Variants in VAMP7 observed in about 807,000 individuals in gnomAD.
VAMP7 encodes the protein vesicle-associated membrane protein 7.
In VAMP7, 14 loss-of-function variants were observed where a neutral mutation model predicts 29.6. That is an observed-to-expected ratio of 0.47 (90% confidence interval 0.31 to 0.74). VAMP7 has a LOEUF of 0.74. Ranked by LOEUF, VAMP7 falls within the 30% of genes least tolerant of loss-of-function variation. The probability of loss-of-function intolerance (pLI) is 0.05; values close to 1 mark genes in which losing one functional copy is unlikely to be tolerated. For missense variants in VAMP7, 223 were observed against 262.4 expected (o/e 0.85, Z 1.04); for synonymous variants, 95 against 88.1 (o/e 1.08, Z -0.44).
At chrX:155,887,263 CAAAT>C (rs2065876251) in intron 1 of VAMP7, among the ~76,000 whole-genome samples, 1 of 151,850 alleles carries the variant, frequency 6.6e-6, no homozygotes, top group African/African-American at 2.4e-5. Context: ...ATATCTTCAG[CAAAT>C]AAATCATGTT....
intron 6 of VAMP7, among the ~76,000 whole-genome samples, chrX:155,929,452 C>CA (rs1266819377): frequency 6.6e-6 from 1 of 152,050 alleles, no homozygotes; most frequent in Non-Finnish European, 1.5e-5. Flanking sequence ...AGTTGCCCCC[C>CA]CTGGGCATTG....
At chrX:155,894,301 G>GTTTTTT (rs1195549080) in intron 2 of VAMP7, among the ~76,000 whole-genome samples, 2 of 64,886 alleles carry the variant, frequency 3.1e-5, no homozygotes, top group Admixed American at 1.7e-4. Flanking sequence ...TGTGTCCTTT[G>GTTTTTT]TTTTTTTTTT....
At chrX:155,892,741 G>GTAT (rs34905684) in intron 2 of VAMP7, among the ~76,000 whole-genome samples, 88,478 of 145,728 alleles carry the variant, frequency 0.61, 26,891 homozygotes, top group East Asian at 0.68. Context: ...TTTTCACACT[G>GTAT]TATTATTATT....
intron 6 of VAMP7, among the ~76,000 whole-genome samples, chrX:155,930,593 A>G (rs919812347): frequency 6.6e-6 from 1 of 151,714 alleles, no homozygotes; most frequent in African/African-American, 2.4e-5. Context: ...AGAGCTGCAG[A>G]GAGCTATGAT....
Position 155,912,937 on chromosome X carries a change from C to G in VAMP7, c.434-6876C>G, listed in dbSNP as rs182081329. Among the ~76,000 whole-genome samples the G allele has an allele frequency of 2.0e-3, 302 of 152,324 alleles. 3 individuals are homozygous for G. The highest frequency in any genetic ancestry group is 6.9e-3 in the African/African-American group (287 of 41,586). ...TCTAGATCCTTGAGGAATCGCCACACTGTCTTTGACAATGGTTGAACTAAT... is the reference window on the plus strand; with the variant it reads ...TCTAGATCCTTGAGGAATCGCCACAGTGTCTTTGACAATGGTTGAACTAAT... On this transcript the variant is annotated intron_variant, in intron 5 of 7. Transcript: ENST00000286448.
chrX:155,931,980 C>A (rs1203473094), intron 6 of VAMP7, among the ~76,000 whole-genome samples: 7 of 152,164 alleles, frequency 4.6e-5, no homozygotes, highest in Non-Finnish European at 7.3e-5. Context: ...TTCCCCATTT[C>A]TTCTTTTTGT....
intron 2 of VAMP7, among the ~76,000 whole-genome samples, chrX:155,895,204 G>C (rs2065971831): frequency 6.6e-6 from 1 of 152,130 alleles, no homozygotes; most frequent in South Asian, 2.1e-4. Flanking sequence ...ACTCAAAGTG[G>C]ATACTCAAAT....
At chrX:155,883,773 C>T (rs1410286835) in intron 1 of VAMP7, among the ~76,000 whole-genome samples, 15 of 148,250 alleles carry the variant, frequency 1.0e-4, no homozygotes, top group Admixed American at 6.8e-4. Flanking sequence ...TGCAGCGGCG[C>T]GATCTCGGCT....
At chrX:155,921,321 T>C (rs918863263) in intron 6 of VAMP7, among the ~76,000 whole-genome samples, 121 of 152,014 alleles carry the variant, frequency 8.0e-4, no homozygotes, top group Non-Finnish European at 1.4e-3. Flanking sequence ...TTTTTATATA[T>C]ATCTATACCC....
chrX:155,938,155 C>T (rs747083589), intron 6 of VAMP7, among the ~76,000 whole-genome samples: 10 of 152,116 alleles, frequency 6.6e-5, no homozygotes, highest in African/African-American at 2.4e-4. Flanking sequence ...ATCTTGTTTC[C>T]CATATTAACT....
intron 3 of VAMP7, among the ~76,000 whole-genome samples, chrX:155,896,334 G>T (rs1489537465): frequency 2.6e-5 from 4 of 152,036 alleles, no homozygotes; most frequent in African/African-American, 9.7e-5. Context: ...AATTGTTTAC[G>T]TGGAATGTTA....
intron 1 of VAMP7, among the ~76,000 whole-genome samples, chrX:155,883,602 T>C (rs945092500): frequency 2.0e-5 from 3 of 152,194 alleles, no homozygotes; most frequent in Admixed American, 2.0e-4. Context: ...TATCACCATG[T>C]GCTATGTAAT....
chrX:155,909,410 T>A lies in VAMP7; in HGVS notation c.433+8823T>A, dbSNP rs115432185. ...CGTAAAGGTTTGTCAATTTTATTGA[T>A]CTTTCTAAAGAACCAACTTCTGGTT... On this transcript the variant is annotated intron_variant, in intron 5 of 7. Transcript: ENST00000286448. Among the ~76,000 whole-genome samples, 1,228 of 152,276 alleles carry A rather than the reference T, an allele frequency of 8.1e-3. 19 individuals are homozygous for A. The highest frequency in any genetic ancestry group is 0.027 in the African/African-American group (1,135 of 41,546).
At chrX:155,930,972 G>A (rs2066543819) in intron 6 of VAMP7, among the ~76,000 whole-genome samples, 1 of 151,826 alleles carries the variant, frequency 6.6e-6, no homozygotes, top group Non-Finnish European at 1.5e-5. Flanking sequence ...TTGGTTTTTT[G>A]TCCTTGCAGT....
At chrX:155,915,272 G>A (rs572758123) in intron 5 of VAMP7, among the ~76,000 whole-genome samples, 19 of 151,512 alleles carry the variant, frequency 1.3e-4, no homozygotes, top group African/African-American at 2.9e-4. Flanking sequence ...TATTAGTCTC[G>A]CTAGCAGTCT....
chrX:155,898,258 T>C lies in VAMP7; in HGVS notation c.342+9T>C. 1 of 1,612,592 alleles carries C rather than the reference T, an allele frequency of 6.2e-7. No individual in the cohort carries two copies. The highest frequency in any genetic ancestry group is 2.2e-5 in the East Asian group (1 of 44,822). On this transcript the variant is annotated intron_variant, in intron 4 of 7. Coordinates refer to ENST00000286448, the MANE Select transcript of VAMP7 (RefSeq NM_005638.6). ...TCTTAGCTGCACAGCTGGTAAGATC[T>C]TTCTCAGGATAAGGTATTTTGATTT...
chrX:155,891,912 T>A (rs2065929398), intron 2 of VAMP7, among the ~76,000 whole-genome samples: 1 of 152,206 alleles, frequency 6.6e-6, no homozygotes, highest in Non-Finnish European at 1.5e-5. Context: ...TTATACTTTC[T>A]CTAAAAATGT....
chrX:155,914,754 T>G (rs190915346), intron 5 of VAMP7, among the ~76,000 whole-genome samples: 1 of 152,084 alleles, frequency 6.6e-6, no homozygotes, highest in Non-Finnish European at 1.5e-5. Context: ...TGCTGATGGG[T>G]TCGATTTGCC....
chrX:155,935,564 G>A (rs2066996080), intron 6 of VAMP7, among the ~76,000 whole-genome samples: 1 of 152,016 alleles, frequency 6.6e-6, no homozygotes, highest in African/African-American at 2.4e-5. Flanking sequence ...GTCATTTAAG[G>A]ACTTGTCTAC....
Sources: gnomAD v4.1 joint callset for allele counts (sites outside exome capture counted in the v4.1 genomes callset) on GRCh38, gnomAD v4.1.1 for gene constraint, MANE v1.5 for transcripts, NCBI Gene and HGNC (gene_info 2026-07-23, HGNC 2026-07-21) for gene names.